The following REDIC1 variants were observed in gnomAD, a reference collection of about 807,000 sequenced individuals.
The protein encoded by REDIC1 is HEI10 Interacting Protein 1.
the REDIC1 span, among the ~76,000 whole-genome samples, chr12:39,769,841 T>C: frequency 6.6e-6 from 1 of 152,100 alleles, no homozygotes; most frequent in South Asian, 2.1e-4. Flanking sequence ...ACAATCCTTC[T>C]TTCACAGCCC....
chr12:39,721,099 G>T, the REDIC1 span: 1 of 1,613,728 alleles, frequency 6.2e-7, no homozygotes, highest in South Asian at 1.1e-5. Flanking sequence ...GAGTGAATCT[G>T]TAATGGAGGA....
chr12:39,876,045 C>A, the REDIC1 span, among the ~76,000 whole-genome samples: 3 of 152,174 alleles, frequency 2.0e-5, no homozygotes, highest in African/African-American at 2.4e-5. Flanking sequence ...CTTTCAAAGT[C>A]ATTTTATAAT....
chr12:39,702,596 C>T, the REDIC1 span, among the ~76,000 whole-genome samples: 3 of 152,102 alleles, frequency 2.0e-5, no homozygotes, highest in Non-Finnish European at 4.4e-5. Context: ...AGGCCAGCAT[C>T]ATCCTGATAC....
At chr12:39,638,085 G>GA in the REDIC1 span, among the ~76,000 whole-genome samples, 2 of 151,704 alleles carry the variant, frequency 1.3e-5, no homozygotes, top group African/African-American at 2.4e-5. Flanking sequence ...TATAGAAGCC[G>GA]AAAAAACAAA....
At chr12:39,827,023 C>T in the REDIC1 span, among the ~76,000 whole-genome samples, 2 of 147,158 alleles carry the variant, frequency 1.4e-5, no homozygotes, top group African/African-American at 5.0e-5. Context: ...AATGGTAAAA[C>T]CGCAGTTAAC....
chr12:39,716,620 C>A, the REDIC1 span: 4 of 578,282 alleles, frequency 6.9e-6, no homozygotes, highest in African/African-American at 2.0e-5. Context: ...ACAATTTTAA[C>A]TAATTTTGGT....
the REDIC1 span, among the ~76,000 whole-genome samples, chr12:39,673,416 T>C: frequency 6.6e-6 from 1 of 152,206 alleles, no homozygotes; most frequent in East Asian, 1.9e-4. Context: ...CAGACTGCTG[T>C]TTTCCAAGGC....
At chr12:39,641,675 C>T in the REDIC1 span, among the ~76,000 whole-genome samples, 1 of 150,926 alleles carries the variant, frequency 6.6e-6, no homozygotes, top group South Asian at 2.1e-4. Context: ...TAATGTTGAG[C>T]AAAAGAAGAA....
the REDIC1 span, chr12:39,829,898 G>T: frequency 1.6e-6 from 1 of 634,930 alleles, no homozygotes; most frequent in South Asian, 2.0e-5. Context: ...GTCTCCAAAA[G>T]TCTAGGCCTG....
the REDIC1 span, among the ~76,000 whole-genome samples, chr12:39,851,182 G>C: frequency 6.6e-6 from 1 of 152,136 alleles, no homozygotes; most frequent in Admixed American, 6.6e-5. Flanking sequence ...TTACAGGCAT[G>C]AGTCACCGTG....
chr12:39,653,222 A>T, the REDIC1 span, among the ~76,000 whole-genome samples: 1 of 152,012 alleles, frequency 6.6e-6, no homozygotes, highest in Non-Finnish European at 1.5e-5. Context: ...ATAATATATT[A>T]TGGTTTTCAG....
chr12:39,774,419 A>G, the REDIC1 span, among the ~76,000 whole-genome samples: 1 of 152,182 alleles, frequency 6.6e-6, no homozygotes, highest in Admixed American at 6.5e-5. Context: ...TTCCTATTTA[A>G]TAATCTAAAA....
the REDIC1 span, chr12:39,764,761 A>T: frequency 6.2e-7 from 1 of 1,612,842 alleles, no homozygotes; most frequent in Non-Finnish European, 8.5e-7. Context: ...ACAAGATATA[A>T]AATAAGGCCC....
the REDIC1 span, among the ~76,000 whole-genome samples, chr12:39,816,509 A>G: frequency 6.6e-6 from 1 of 151,552 alleles, no homozygotes; most frequent in Non-Finnish European, 1.5e-5. Context: ...CAGCACACCA[A>G]CATGGCACAT....
At chr12:39,895,985 C>T in the REDIC1 span, among the ~76,000 whole-genome samples, 1 of 143,854 alleles carries the variant, frequency 7.0e-6, no homozygotes, top group Admixed American at 6.9e-5. Context: ...TGTATACATA[C>T]ATTCATATAT....
At chr12:39,770,256 C>G in the REDIC1 span, among the ~76,000 whole-genome samples, 1 of 152,006 alleles carries the variant, frequency 6.6e-6, no homozygotes, top group African/African-American at 2.4e-5. Context: ...ATCTTTCTTC[C>G]AAGTTCCACT....
the REDIC1 span, among the ~76,000 whole-genome samples, chr12:39,885,200 G>A: frequency 6.6e-6 from 1 of 152,288 alleles, no homozygotes; most frequent in Admixed American, 6.5e-5. Flanking sequence ...ACAGGAGCTA[G>A]GAAGGCCAAC....
the REDIC1 span, among the ~76,000 whole-genome samples, chr12:39,816,731 T>C: frequency 1.3e-5 from 2 of 152,076 alleles, no homozygotes; most frequent in Non-Finnish European, 2.9e-5. Flanking sequence ...AAGCCTGTCC[T>C]TTCATGGGTC....
At chr12:39,679,033 T>C in the REDIC1 span, among the ~76,000 whole-genome samples, 1 of 152,082 alleles carries the variant, frequency 6.6e-6, no homozygotes, top group Non-Finnish European at 1.5e-5. Context: ...CCCCAAGAAC[T>C]GGAACAAGAC....
Sources: allele counts gnomAD v4.1 joint callset (sites outside exome capture counted in the v4.1 genomes callset), GRCh38; gene constraint gnomAD v4.1.1; transcripts MANE v1.5; gene names NCBI Gene and HGNC (gene_info 2026-07-23, HGNC 2026-07-21).